SEZ6L: variants seen among roughly 807,000 people sequenced by gnomAD.
The protein encoded by SEZ6L is seizure related 6 homolog like, also known as seizure 6-like protein.
In SEZ6L, 37 loss-of-function variants were observed where a neutral mutation model predicts 106.2. The ratio of observed to expected loss-of-function variants is 0.35; its 90% CI spans 0.27 to 0.46. SEZ6L has a LOEUF of 0.46. SEZ6L is among the 20% of genes least tolerant of loss of function. The pLI, the probability that SEZ6L is intolerant of heterozygous loss-of-function variation, is 1.00. For missense variants in SEZ6L, 1,172 were observed against 1,332.8 expected, an observed-to-expected ratio of 0.88 and a Z score of 1.88; for synonymous variants, 541 against 570.4, an observed-to-expected ratio of 0.95 and a Z score of 0.73.
intron 12 of SEZ6L, among the ~76,000 whole-genome samples, chr22:26,362,901 A>T (rs770408717): frequency 6.6e-6 from 1 of 152,234 alleles, no homozygotes; most frequent in Non-Finnish European, 1.5e-5. Context: ...ACTGGAGGAG[A>T]TCAAAGTCCC....
intron 1 of SEZ6L, among the ~76,000 whole-genome samples, chr22:26,236,523 G>A (rs1025395875): frequency 3.9e-5 from 6 of 152,098 alleles, no homozygotes; most frequent in Non-Finnish European, 8.8e-5. Context: ...CAAACTTTCC[G>A]AGCCTGTGGA....
chr22:26,365,314 C>G, intron 12 of SEZ6L, 58 bp from the exon 13 acceptor site: 1 of 1,492,834 alleles, frequency 6.7e-7, no homozygotes, highest in Non-Finnish European at 9.2e-7. Context: ...GGGTTCTGAG[C>G]AGGACTCCCC....
At chr22:26,208,912 T>C (rs1339893285) in intron 1 of SEZ6L, among the ~76,000 whole-genome samples, 1 of 149,858 alleles carries the variant, frequency 6.7e-6, no homozygotes, top group East Asian at 2.0e-4. Context: ...GTGTAATGTT[T>C]TGATATTTCC....
intron 4 of SEZ6L, among the ~76,000 whole-genome samples, chr22:26,297,813 CTCT>C (rs1339551816): frequency 2.6e-5 from 4 of 150,984 alleles, no homozygotes; most frequent in Non-Finnish European, 5.9e-5. Flanking sequence ...CCTTTCCACC[CTCT>C]ATTTTCCCTC....
chr22:26,265,828 G>C (rs1453017484), intron 1 of SEZ6L, among the ~76,000 whole-genome samples: 1 of 152,182 alleles, frequency 6.6e-6, no homozygotes, highest in Non-Finnish European at 1.5e-5. Flanking sequence ...AGATAGGGAG[G>C]TGAGGATCAT....
intron 12 of SEZ6L, among the ~76,000 whole-genome samples, chr22:26,351,633 G>T (rs929324966): frequency 1.3e-5 from 2 of 152,178 alleles, no homozygotes; most frequent in East Asian, 3.9e-4. Flanking sequence ...TGCAATCTCC[G>T]CCTCCTGGGT....
Position 26,234,584 on chromosome 22 carries a change from T to C in SEZ6L, c.95-57822T>C, listed in dbSNP as rs569536752. Among the ~76,000 whole-genome samples, 22 of 152,372 alleles carry C rather than the reference T, an allele frequency of 1.4e-4. No individual in the cohort carries two copies. The East Asian group carries it at 4.0e-3, about 28-fold the overall frequency. On this transcript the variant is annotated intron_variant, in intron 1 of 16. Coordinates refer to ENST00000248933, the MANE Select transcript of SEZ6L (RefSeq NM_021115.5). ...CCCAGAACAGCATTCTTCCTCTGTA[T>C]GAGGTCATGAATAAGGCTGGGGGCT...
At chr22:26,196,286 C>G (rs1220337856) in intron 1 of SEZ6L, among the ~76,000 whole-genome samples, 3 of 152,136 alleles carry the variant, frequency 2.0e-5, no homozygotes, top group African/African-American at 4.8e-5. Context: ...TCTGAGACCT[C>G]CCCAGAAGGA....
At chr22:26,324,148 G>T (rs2082241274) in intron 9 of SEZ6L, among the ~76,000 whole-genome samples, 1 of 151,316 alleles carries the variant, frequency 6.6e-6, no homozygotes, top group Non-Finnish European at 1.5e-5. Flanking sequence ...CCACATGAGA[G>T]AAATTCCGAG....
chr22:26,375,733 C>A (rs2084202190), intron 15 of SEZ6L, 44 bp downstream of exon 15: 2 of 1,478,636 alleles, frequency 1.4e-6, no homozygotes, highest in African/African-American at 1.4e-5. Context: ...ACCCAGCCAC[C>A]AGTACTCAGA....
chr22:26,239,182 C>G (rs2079039067), intron 1 of SEZ6L, among the ~76,000 whole-genome samples: 2 of 152,140 alleles, frequency 1.3e-5, no homozygotes, highest in African/African-American at 4.8e-5. Flanking sequence ...CATGATCGGG[C>G]CACTGCTCTC....
intron 12 of SEZ6L, among the ~76,000 whole-genome samples, chr22:26,354,047 C>T (rs1220108833): frequency 1.3e-5 from 2 of 150,752 alleles, no homozygotes; most frequent in Non-Finnish European, 2.9e-5. Context: ...GTGTCTTCGA[C>T]ATCCTAACCC....
chr22:26,257,359 A>G (rs1770768527), intron 1 of SEZ6L, among the ~76,000 whole-genome samples: 1 of 152,184 alleles, frequency 6.6e-6, no homozygotes, highest in South Asian at 2.1e-4. Flanking sequence ...ACAAAATCCC[A>G]TTTAACTTCT....
chr22:26,221,530 G>A (rs547587516), intron 1 of SEZ6L, among the ~76,000 whole-genome samples: 1 of 152,280 alleles, frequency 6.6e-6, no homozygotes, highest in Non-Finnish European at 1.5e-5. Flanking sequence ...GAGGTATTAG[G>A]AAGACTTACA....
chr22:26,371,407 C>T (rs1423331464), intron 13 of SEZ6L, among the ~76,000 whole-genome samples: 1 of 152,174 alleles, frequency 6.6e-6, no homozygotes, highest in Non-Finnish European at 1.5e-5. Flanking sequence ...TCCTCGCCAG[C>T]ACTGTATGTT....
intron 1 of SEZ6L, among the ~76,000 whole-genome samples, chr22:26,196,451 G>A (rs1447858252): frequency 6.6e-6 from 1 of 152,212 alleles, no homozygotes; most frequent in Non-Finnish European, 1.5e-5. Flanking sequence ...TAAGGCCAAT[G>A]TAGCTGGAGC....
At chr22:26,225,794 A>C (rs2078618202) in intron 1 of SEZ6L, among the ~76,000 whole-genome samples, 1 of 152,226 alleles carries the variant, frequency 6.6e-6, no homozygotes, top group Admixed American at 6.5e-5. Context: ...TTGCAAATAA[A>C]GAATGGCTTC....
intron 12 of SEZ6L, among the ~76,000 whole-genome samples, chr22:26,363,047 C>T (rs1381948097): frequency 6.6e-6 from 1 of 152,194 alleles, no homozygotes; most frequent in African/African-American, 2.4e-5. Context: ...TAGGGAGTGG[C>T]AGAGACTGGG....
chr22:26,207,807 C>T (rs1453301128), intron 1 of SEZ6L, among the ~76,000 whole-genome samples: 1 of 152,148 alleles, frequency 6.6e-6, no homozygotes, highest in Non-Finnish European at 1.5e-5. Flanking sequence ...CCTTTGACCC[C>T]TCATCCACCA....
Sources: allele counts gnomAD v4.1 joint callset (sites outside exome capture counted in the v4.1 genomes callset), GRCh38; gene constraint gnomAD v4.1.1; transcripts MANE v1.5; gene names NCBI Gene and HGNC (gene_info 2026-07-23, HGNC 2026-07-21).